Variants in TNS1 observed in about 807,000 individuals in gnomAD.
TNS1 encodes the protein tensin-1.
A neutral mutation model predicts 168.6 loss-of-function variants in TNS1; 62 were observed. The observed-to-expected ratio is 0.37, with a 90% CI of 0.30 to 0.45. The LOEUF (loss-of-function observed/expected upper bound fraction) is 0.45, where lower values mean the gene tolerates loss of function less well. Among genes scored for constraint, TNS1 ranks in the 20% least tolerant of loss-of-function variants. The pLI is 1.00. For synonymous variants in TNS1, 934 were observed against 933.2 expected (o/e 1.00, Z -0.02); for missense variants, 2,240 against 2,339.4 (o/e 0.96, Z 0.88).
At chr2:217,979,390 C>G (rs1316947001) in intron 2 of TNS1, among the ~76,000 whole-genome samples, 1 of 152,072 alleles carries the variant, frequency 6.6e-6, no homozygotes, top group Non-Finnish European at 1.5e-5. Context: ...CAGATTCATC[C>G]AGGAAGAGCC....
At position 217,986,423 on chromosome 2, in the gene TNS1, A is replaced by G. The variant is rs947274087; in HGVS notation, c.148+4519T>C. Among the ~76,000 whole-genome samples the G allele has an allele frequency of 6.6e-6, 1 of 152,202 alleles. No individual in the cohort carries two copies. The highest frequency in any genetic ancestry group is 1.5e-5 in the Non-Finnish European group (1 of 68,018). ...GGCATTGAGAAGTGAAGTTTTATCC[A>G]AGTCTGGGCCCCAGATCAGGCCCTG... On this transcript the variant is annotated intron_variant, in intron 2 of 32. Coordinates refer to ENST00000682258, the MANE Select transcript of TNS1 (RefSeq NM_001387777.1). The surrounding 1 kb of genome is among the most constrained non-coding windows in gnomAD (Gnocchi z 4.7).
chr2:217,847,489 T>C, intron 19 of TNS1, 21 bp downstream of exon 19: 2 of 1,414,402 alleles, frequency 1.4e-6, no homozygotes, highest in Non-Finnish European at 9.3e-7. Flanking sequence ...GTAGAAGGAG[T>C]CAGGACTGAA....
chr2:217,968,755 A>C lies in TNS1; in HGVS notation c.186+10010T>G, dbSNP rs149991560. ...TGTCACCCAGGCTGGAGTGCAGTGG[A>C]GCAATCTCAGCTCAATACAACCTCC... On this transcript the variant is annotated intron_variant, in intron 3 of 32. Coordinates refer to ENST00000682258, the MANE Select transcript of TNS1 (RefSeq NM_001387777.1). Among the ~76,000 whole-genome samples the C allele has an allele frequency of 3.9e-5, 6 of 152,210 alleles. No homozygotes were observed. In the East Asian group the frequency reaches 9.6e-4, roughly 24 times the overall value.
At chr2:217,827,605 A>G (rs531776017) in intron 22 of TNS1, among the ~76,000 whole-genome samples, 67 of 152,206 alleles carry the variant, frequency 4.4e-4, no homozygotes, top group Non-Finnish European at 6.6e-4. Flanking sequence ...TGAAATGGCC[A>G]CTTGAGGAAG....
At chr2:217,860,734 A>C (rs1182817037) in intron 18 of TNS1, among the ~76,000 whole-genome samples, 3 of 152,268 alleles carry the variant, frequency 2.0e-5, no homozygotes, top group Non-Finnish European at 2.9e-5. Flanking sequence ...ATGATGTCCC[A>C]GATTGAATGT....
At chr2:218,017,448 C>G (rs868401121) in intron 1 of TNS1, among the ~76,000 whole-genome samples, 1 of 152,234 alleles carries the variant, frequency 6.6e-6, no homozygotes, top group African/African-American at 2.4e-5. Flanking sequence ...CCTCTGGGAG[C>G]CTCAGTGTCC....
At chr2:217,925,216 CT>C (rs762916866) in intron 3 of TNS1, among the ~76,000 whole-genome samples, 6 of 151,050 alleles carry the variant, frequency 4.0e-5, no homozygotes, top group Non-Finnish European at 8.8e-5. Context: ...GTAAATAAAT[CT>C]TTTTTTTGTG....
chr2:217,925,161 T>C (rs984971845), intron 3 of TNS1, among the ~76,000 whole-genome samples: 2 of 152,254 alleles, frequency 1.3e-5, no homozygotes, highest in African/African-American at 4.8e-5. Context: ...TGAAATGTTC[T>C]GTCGTGTTTT....
At position 217,835,115 on chromosome 2, in the gene TNS1, G is replaced by T. The variant is rs141023083; in HGVS notation, c.3256C>A (p.Pro1086Thr). Residue 1086 changes from proline to threonine, a missense_variant, in exon 21 of 33, where the codon CCG becomes ACG. Coordinates refer to ENST00000682258, the MANE Select transcript of TNS1 (RefSeq NM_001387777.1). ...CCCCCACTGGGTGGTGGGCTGCTCGGGGAGGTTCCCTCCATCTCCTCGAAG... is the reference window on the plus strand; with the variant it reads ...CCCCCACTGGGTGGTGGGCTGCTCGTGGAGGTTCCCTCCATCTCCTCGAAG... ...EAFEEMEGTS[P>T]SSPPPSGVRS... 4 of 1,589,616 alleles carry T rather than the reference G, an allele frequency of 2.5e-6. No homozygotes were observed. The East Asian group carries it at 7.0e-5, about 28-fold the overall frequency.
chr2:218,003,510 C>A (rs996551274), upstream of TNS1, among the ~76,000 whole-genome samples: 2 of 151,324 alleles, frequency 1.3e-5, no homozygotes, highest in Admixed American at 6.5e-5. Flanking sequence ...CTGGTGCCCA[C>A]GCGCCAAGCT....
chr2:218,000,227 A>G (rs1434680609), intron 1 of TNS1, among the ~76,000 whole-genome samples: 2 of 152,242 alleles, frequency 1.3e-5, no homozygotes, highest in African/African-American at 4.8e-5. Flanking sequence ...TATGCACTAC[A>G]GATATATTAC....
intron 3 of TNS1, among the ~76,000 whole-genome samples, chr2:217,962,854 C>G (rs1422694762): frequency 2.0e-5 from 3 of 152,054 alleles, no homozygotes; most frequent in Non-Finnish European, 4.4e-5. Context: ...GGATTGGATC[C>G]TAGATCAGAA....
intron 17 of TNS1, 192 bp downstream of exon 17, chr2:217,882,154 T>A: frequency 1.9e-6 from 1 of 520,864 alleles, no homozygotes; most frequent in South Asian, 2.9e-5. Context: ...TTTTTTATTT[T>A]TATTATCCAG....
rs142073947 is a variant in TNS1 at position 217,874,636 on chromosome 2, G to A, written c.1429+6262C>T. Among the ~76,000 whole-genome samples the A allele has an allele frequency of 2.7e-3, 413 of 152,258 alleles. 3 individuals are homozygous for A. The highest frequency in any genetic ancestry group is 3.4e-3 in the Middle Eastern group (1 of 294). ...GAGAGTAGAGGGGCAAGGGGAACGC[G>A]GCTTTTTCTAAAGAAGAGAGGGCTA... On this transcript the variant is annotated intron_variant, in intron 18 of 32. Coordinates refer to ENST00000682258, the MANE Select transcript of TNS1 (RefSeq NM_001387777.1).
Position 217,893,400 on chromosome 2 carries a change from G to GCGCGCACACA in TNS1, c.717+38_717+39insTGTGTGCGCG, listed in dbSNP as rs58297965. The GCGCGCACACA allele has an allele frequency of 1.6e-4, 241 of 1,462,212 alleles. 1 individual carries two copies. In the African/African-American group the frequency reaches 2.6e-3, roughly 15 times the overall value. 90.6% of individuals were successfully genotyped at this position (1,462,212 alleles called of 1,614,324 possible). On this transcript the variant is annotated intron_variant, in intron 10 of 32. Coordinates refer to ENST00000682258, the MANE Select transcript of TNS1 (RefSeq NM_001387777.1). ...CACACATGTGCGCATGTGCGCGCGCGCACACACACACACACACACACACAC... is the reference window on the plus strand; with the variant it reads ...CACACATGTGCGCATGTGCGCGCGCGCGCGCACACACACACACACACACACACACACACAC...
At chr2:217,841,675 C>A (rs1945982887) in intron 19 of TNS1, among the ~76,000 whole-genome samples, 1 of 152,044 alleles carries the variant, frequency 6.6e-6, no homozygotes, top group African/African-American at 2.4e-5. Context: ...TTCACGCATC[C>A]CTCACCTGCT....
intron 19 of TNS1, among the ~76,000 whole-genome samples, chr2:217,845,477 T>C (rs1441387054): frequency 6.6e-6 from 1 of 152,194 alleles, no homozygotes; most frequent in Non-Finnish European, 1.5e-5. Context: ...CTGACATAAA[T>C]TCTGTCATAA....
intron 18 of TNS1, among the ~76,000 whole-genome samples, chr2:217,863,971 C>T (rs1213050654): frequency 6.6e-6 from 1 of 152,178 alleles, no homozygotes; most frequent in East Asian, 1.9e-4. Context: ...GCCATCGGAG[C>T]AGGACAAGCT....
At chr2:217,945,694 T>C (rs1957087118) in intron 3 of TNS1, among the ~76,000 whole-genome samples, 1 of 152,182 alleles carries the variant, frequency 6.6e-6, no homozygotes, top group Admixed American at 6.5e-5. Context: ...TGGGGACACT[T>C]GGCCTAGTCC....
Sources: allele counts gnomAD v4.1 joint callset (sites outside exome capture counted in the v4.1 genomes callset), GRCh38; gene constraint gnomAD v4.1.1; non-coding constraint Gnocchi (gnomAD v3.1); transcripts MANE v1.5; gene names NCBI Gene and HGNC (gene_info 2026-07-23, HGNC 2026-07-21).